Variants in CDH11 observed in about 807,000 individuals in gnomAD.
CDH11 encodes the protein cadherin-11.
A neutral mutation model predicts 67.8 loss-of-function variants in CDH11; 11 were observed. The ratio of observed to expected loss-of-function variants is 0.16; its 90% CI spans 0.10 to 0.27. The LOEUF (loss-of-function observed/expected upper bound fraction) is 0.27. CDH11 is among the 10% of genes least tolerant of loss of function. CDH11 has a pLI of 1.00. For missense variants in CDH11, 847 were observed against 1,031.2 expected (o/e 0.82, Z 2.45); for synonymous variants, 419 against 400.0 (o/e 1.05, Z -0.57).
At chr16:64,972,147 C>T in intron 9 of CDH11, 83 bp from the exon 10 acceptor site, 1 of 1,221,194 alleles carries the variant, frequency 8.2e-7, no homozygotes, top group East Asian at 2.3e-5. Flanking sequence ...AAAGAGTAAG[C>T]TCCAGCCACC....
In CDH11 at chr16:64,944,565, G is replaced by T. The variant is rs541085907; in HGVS notation, c.*3038C>A. On this transcript the variant is annotated 3_prime_UTR_variant, in exon 13 of 13. Transcript: ENST00000268603. ...CTTATAAAGTTTCTCAAAAAGATGT[G>T]AAGGATATGTCACAATGACCCAGGA... The T allele has an allele frequency of 4.7e-5, 11 of 232,628 alleles. No homozygotes were observed. In the East Asian group the frequency reaches 6.7e-4, roughly 14 times the overall value. 14.4% of individuals were successfully genotyped at this position (232,628 alleles called of 1,614,324 possible).
chr16:65,080,841 T>G, intron 1 of CDH11, among the ~76,000 whole-genome samples: 1 of 152,210 alleles, frequency 6.6e-6, no homozygotes, highest in Non-Finnish European at 1.5e-5. Context: ...CCCCTTATGG[T>G]TGTTTCTTCA....
In CDH11 at chr16:64,967,552, T is replaced by C. The variant is rs1408834912; in HGVS notation, c.1642+4027A>G. On this transcript the variant is annotated intron_variant, in intron 11 of 12. Transcript: ENST00000268603. Reference sequence around the variant, plus strand: ...AAGGTGTGGAAAACAATGTACGTACTTACAGTCAACTGATATTATATATCC... The same window carrying C: ...AAGGTGTGGAAAACAATGTACGTACCTACAGTCAACTGATATTATATATCC... Among the ~76,000 whole-genome samples, 3 of 152,156 alleles carry C rather than the reference T, an allele frequency of 2.0e-5. No individual in the cohort carries two copies. The East Asian group carries it at 5.8e-4, about 29-fold the overall frequency.
chr16:65,008,847 A>T (rs144217422), intron 2 of CDH11, among the ~76,000 whole-genome samples: 92 of 152,320 alleles, frequency 6.0e-4, no homozygotes, highest in Middle Eastern at 3.4e-3. Context: ...AGTGTATACT[A>T]ATAACAGGAC....
At position 64,982,123 on chromosome 16, in the gene CDH11, T is replaced by G; in HGVS notation, c.1178A>C (p.Gln393Pro). 2.5e-6 allele frequency: 4 copies of G among 1,614,070 alleles called. No homozygotes were observed. Among genetic ancestry groups the G allele is most frequent in the Non-Finnish European group, 3.4e-6 (4 of 1,179,980 alleles). Reference sequence around the variant, plus strand: ...CACGGTGCCAGCAGCTGCATTTTCTTGGACTTCGTGGATGTAACTTGGGGC... The same window carrying G: ...CACGGTGCCAGCAGCTGCATTTTCTGGGACTTCGTGGATGTAACTTGGGGC... ...FLAPSYIHEV[Q>P]ENAAAGTVVG... Residue 393 changes from glutamine to proline, a missense_variant, in exon 8 of 13, where the codon CAA becomes CCA. Around this residue, in one of 2 missense-constraint regions of CDH11, gnomAD observed 612 missense variants for 678.7 expected, o/e 0.90. Transcript: ENST00000268603.
intron 1 of CDH11, among the ~76,000 whole-genome samples, chr16:65,081,746 T>A (rs2074614816): frequency 6.6e-6 from 1 of 152,280 alleles, no homozygotes; most frequent in South Asian, 2.1e-4. Context: ...GTGATCACAT[T>A]ACTCAAAAAC....
At chr16:65,052,679 G>A (rs946073388) in intron 2 of CDH11, among the ~76,000 whole-genome samples, 2 of 152,074 alleles carry the variant, frequency 1.3e-5, no homozygotes, top group African/African-American at 2.4e-5. Context: ...CAATATGTAC[G>A]GATTTAAGAA....
At chr16:64,958,137 G>T (rs992599123) in intron 11 of CDH11, among the ~76,000 whole-genome samples, 1 of 152,194 alleles carries the variant, frequency 6.6e-6, no homozygotes, top group Non-Finnish European at 1.5e-5. Context: ...GAGGGAAGGG[G>T]CCTTGTCTTA....
intron 1 of CDH11, among the ~76,000 whole-genome samples, chr16:65,056,863 C>A (rs541541554): frequency 6.6e-6 from 1 of 152,150 alleles, no homozygotes; most frequent in African/African-American, 2.4e-5. Context: ...CTTTACCTCC[C>A]TGCAAAATGT....
At chr16:65,071,221 G>A (rs145940384) in intron 1 of CDH11, among the ~76,000 whole-genome samples, 1 of 152,294 alleles carries the variant, frequency 6.6e-6, no homozygotes, top group African/African-American at 2.4e-5. Context: ...AAACCAGCAA[G>A]CCCGTTAACG....
At chr16:65,005,472 A>G (rs1232879209) in intron 2 of CDH11, among the ~76,000 whole-genome samples, 2 of 152,138 alleles carry the variant, frequency 1.3e-5, no homozygotes, top group Admixed American at 1.3e-4. Flanking sequence ...TGTAATAAGA[A>G]AGGAGAGTGT....
At chr16:64,957,318 T>C (rs1323399750) in intron 11 of CDH11, among the ~76,000 whole-genome samples, 1 of 152,114 alleles carries the variant, frequency 6.6e-6, no homozygotes, top group Non-Finnish European at 1.5e-5. Context: ...CTGCAGACTG[T>C]TGGAAAACCG....
intron 1 of CDH11, among the ~76,000 whole-genome samples, chr16:65,086,808 C>A (rs1284066067): frequency 6.6e-6 from 1 of 152,090 alleles, no homozygotes; most frequent in Admixed American, 6.5e-5. Context: ...AAACACAAGT[C>A]CCAGAGCACA....
chr16:64,995,688 G>A (rs936751651), intron 4 of CDH11, among the ~76,000 whole-genome samples: 1 of 152,078 alleles, frequency 6.6e-6, no homozygotes, highest in Non-Finnish European at 1.5e-5. Context: ...GGCCTTGGGA[G>A]AGAATTTATG....
Position 65,012,515 on chromosome 16 carries a change from A to G in CDH11, c.-172-7474T>C, listed in dbSNP as rs139596575. Among the ~76,000 whole-genome samples, 63 of 152,354 alleles carry G rather than the reference A, an allele frequency of 4.1e-4. No individual in the cohort carries two copies. In the East Asian group the frequency reaches 0.01, roughly 25 times the overall value. On this transcript the variant is annotated intron_variant, in intron 2 of 12. Coordinates refer to ENST00000268603, the MANE Select transcript of CDH11 (RefSeq NM_001797.4). The stretch of plus-strand genomic sequence containing the variant: ...GTGACATCTCATGACTAATGTTTCA[A>G]TGAAATCAAGGCTTAGAGCAAACCA...
At chr16:65,044,808 C>T (rs1459083122) in intron 2 of CDH11, among the ~76,000 whole-genome samples, 3 of 152,058 alleles carry the variant, frequency 2.0e-5, no homozygotes, top group African/African-American at 4.8e-5. Context: ...AAGGACTTAG[C>T]AATTTATCCT....
chr16:65,038,645 G>A (rs886286471), intron 2 of CDH11, among the ~76,000 whole-genome samples: 5 of 152,122 alleles, frequency 3.3e-5, no homozygotes, highest in African/African-American at 1.2e-4. Flanking sequence ...CGTTTCACTC[G>A]GAAATTCCTC....
chr16:64,974,609 C>T (rs2072111082), intron 8 of CDH11, among the ~76,000 whole-genome samples: 1 of 152,114 alleles, frequency 6.6e-6, no homozygotes, highest in Non-Finnish European at 1.5e-5. Context: ...CTTCACAGCT[C>T]CCCATAGGAA....
rs748728122 is a variant in CDH11 at position 64,982,171 on chromosome 16, G to A, written c.1130C>T (p.Ala377Val). The A allele has an allele frequency of 4.3e-6, 7 of 1,614,100 alleles. No individual in the cohort carries two copies. In the South Asian group the frequency reaches 7.7e-5, roughly 18 times the overall value. ...GGCCAAGAACATAGGGGGCTCATCA[G>A]CATCTTCTACTGAGATCTTGACGGT... ...TVTVKISVED[A>V]DEPPMFLAPS... is the part of the protein sequence containing the mutation. Residue 377 changes from alanine (A) to valine (V), a missense_variant, in exon 8 of 13, where the codon GCT becomes GTT. Coordinates refer to ENST00000268603, the MANE Select transcript of CDH11 (RefSeq NM_001797.4).
Sources: allele counts gnomAD v4.1 joint callset (sites outside exome capture counted in the v4.1 genomes callset), GRCh38; gene constraint gnomAD v4.1.1; regional missense constraint gnomAD v4.1.1; transcripts MANE v1.5; gene names NCBI Gene and HGNC (gene_info 2026-07-23, HGNC 2026-07-21).